ASIC2: variants seen among roughly 807,000 people sequenced by gnomAD.
ASIC2 encodes acid sensing ion channel subunit 2, also known as acid-sensing ion channel 2.
ASIC2 carries 25 observed loss-of-function variants against 57.3 expected under a neutral mutation model. The ratio of observed to expected loss-of-function variants is 0.44; its 90% CI spans 0.32 to 0.61. ASIC2 has a LOEUF of 0.61. Ranked by LOEUF, ASIC2 falls within the 20% of genes least tolerant of loss-of-function variation. ASIC2 has a pLI of 0.06. For missense variants in ASIC2, 641 were observed against 738.1 expected, an observed-to-expected ratio of 0.87 and a Z score of 1.52; for synonymous variants, 319 against 307.5, an observed-to-expected ratio of 1.04 and a Z score of -0.39.
At chr17:33,073,418 G>C (rs1476305536) in intron 3 of ASIC2, among the ~76,000 whole-genome samples, 2 of 152,164 alleles carry the variant, frequency 1.3e-5, no homozygotes, top group African/African-American at 2.4e-5. Flanking sequence ...AAGAGCACAG[G>C]CTTTGGAATC....
intron 1 of ASIC2, among the ~76,000 whole-genome samples, chr17:33,303,348 G>A (rs1052178268): frequency 2.6e-5 from 4 of 152,102 alleles, no homozygotes; most frequent in Admixed American, 6.6e-5. Context: ...ATGTTTTTCC[G>A]AGCTTGGGTG....
At chr17:33,489,714 A>T (rs1913691341) in intron 1 of ASIC2, among the ~76,000 whole-genome samples, 1 of 152,232 alleles carries the variant, frequency 6.6e-6, no homozygotes, top group African/African-American at 2.4e-5. Flanking sequence ...CTTCCAGGTC[A>T]AGCTTTTGGC....
chr17:33,764,444 G>T (rs1349630293), intron 1 of ASIC2, among the ~76,000 whole-genome samples: 1 of 152,130 alleles, frequency 6.6e-6, no homozygotes, highest in Non-Finnish European at 1.5e-5. Context: ...CCTGAAACTG[G>T]ATAATTAATA....
chr17:33,799,394 CTTT>C (rs1912027533), intron 1 of ASIC2, among the ~76,000 whole-genome samples: 1 of 110,066 alleles, frequency 9.1e-6, no homozygotes, highest in Non-Finnish European at 1.8e-5. Flanking sequence ...TTCTTTCTTT[CTTT>C]CTTTCTTTTC....
chr17:33,999,695 A>G (rs544735454), intron 1 of ASIC2, among the ~76,000 whole-genome samples: 9 of 152,200 alleles, frequency 5.9e-5, no homozygotes, highest in Middle Eastern at 3.4e-3. Context: ...CACAATTTCT[A>G]TCTTTTATAT....
At chr17:33,510,611 A>G (rs1597757643) in intron 1 of ASIC2, among the ~76,000 whole-genome samples, 1 of 152,266 alleles carries the variant, frequency 6.6e-6, no homozygotes, top group East Asian at 1.9e-4. Context: ...CAGCCTGGGC[A>G]ATAGAGTGAG....
chr17:33,670,187 C>T (rs947929632), intron 1 of ASIC2, among the ~76,000 whole-genome samples: 1 of 152,140 alleles, frequency 6.6e-6, no homozygotes, highest in Non-Finnish European at 1.5e-5. Context: ...GATTGAAAAC[C>T]ATGGGGCACC....
chr17:34,148,041 A>G (rs1456429969), intron 1 of ASIC2, among the ~76,000 whole-genome samples: 2 of 152,198 alleles, frequency 1.3e-5, no homozygotes, highest in African/African-American at 4.8e-5. Context: ...CTCTTCATTA[A>G]TGGAAGAACT....
At position 34,064,845 on chromosome 17, in the gene ASIC2, A is replaced by G; in HGVS notation, c.555+91133T>C. Among the ~76,000 whole-genome samples, 2 of 152,170 alleles carry G rather than the reference A, an allele frequency of 1.3e-5. 1 individual carries two copies. The highest frequency in any genetic ancestry group is 2.9e-5 in the Non-Finnish European group (2 of 67,994). ...CACAATGTGATACCACCTTACTCCT[A>G]CAAGAATGACCATAATCAAAAAATA... On this transcript the variant is annotated intron_variant, in intron 1 of 9. Transcript: ENST00000359872.
chr17:33,955,633 C>G (rs1044660510), intron 1 of ASIC2: 1 of 152,348 alleles, frequency 6.6e-6, no homozygotes, highest in African/African-American at 2.4e-5. Context: ...CTGGCAGGCA[C>G]CTTCTTCTCA....
At chr17:33,768,732 A>G (rs1190905346) in intron 1 of ASIC2, among the ~76,000 whole-genome samples, 1 of 151,986 alleles carries the variant, frequency 6.6e-6, no homozygotes, top group Non-Finnish European at 1.5e-5. Flanking sequence ...CTTCGAACCA[A>G]TTGTATGTTG....
intron 1 of ASIC2, chr17:34,039,718 GTC>G (rs1376943208): frequency 6.2e-7 from 1 of 1,612,336 alleles, no homozygotes; most frequent in Non-Finnish European, 8.5e-7. Flanking sequence ...TTTCTTGGGA[GTC>G]TCTACTTCTT....
intron 1 of ASIC2, among the ~76,000 whole-genome samples, chr17:33,482,356 C>T (rs1263789886): frequency 6.6e-6 from 1 of 152,194 alleles, no homozygotes; most frequent in Non-Finnish European, 1.5e-5. Context: ...CCTTCTGCCA[C>T]TTTGCTCCTA....
At chr17:33,625,129 G>GTCTGTCTGTCTGTCTA (rs1555548113) in intron 1 of ASIC2, among the ~76,000 whole-genome samples, 2 of 146,340 alleles carry the variant, frequency 1.4e-5, no homozygotes, top group African/African-American at 5.0e-5. Context: ...TGGCCTCTCT[G>GTCTGTCTGTCTGTCTA]TCTATCTATC....
At chr17:33,355,972 G>A (rs1030523155) in intron 1 of ASIC2, among the ~76,000 whole-genome samples, 1 of 152,198 alleles carries the variant, frequency 6.6e-6, no homozygotes, top group Non-Finnish European at 1.5e-5. Flanking sequence ...GGAGCTAGGG[G>A]TAGTGGTCAG....
intron 1 of ASIC2, among the ~76,000 whole-genome samples, chr17:33,964,089 T>G (rs1480720819): frequency 6.6e-6 from 1 of 152,184 alleles, no homozygotes; most frequent in East Asian, 1.9e-4. Context: ...CCATCACTAA[T>G]TGGTTACCAC....
intron 1 of ASIC2, among the ~76,000 whole-genome samples, chr17:33,425,812 C>T (rs1333628259): frequency 2.0e-5 from 3 of 152,144 alleles, no homozygotes; most frequent in Non-Finnish European, 4.4e-5. Flanking sequence ...GAGACATTCA[C>T]TGACAGATTC....
At chr17:33,408,189 G>A (rs1910533082) in intron 1 of ASIC2, among the ~76,000 whole-genome samples, 1 of 152,216 alleles carries the variant, frequency 6.6e-6, no homozygotes, top group Admixed American at 6.5e-5. Context: ...TGAATTATCT[G>A]TAAAAAAGAG....
intron 1 of ASIC2, among the ~76,000 whole-genome samples, chr17:33,858,461 G>A (rs1438111957): frequency 6.6e-6 from 1 of 152,198 alleles, no homozygotes; most frequent in East Asian, 1.9e-4. Context: ...CTCAACTACA[G>A]AAATGAATTT....
Sources: allele counts gnomAD v4.1 joint callset (sites outside exome capture counted in the v4.1 genomes callset), GRCh38; gene constraint gnomAD v4.1.1; transcripts MANE v1.5; gene names NCBI Gene and HGNC (gene_info 2026-07-23, HGNC 2026-07-21).